The following KCNG3 variants were observed in gnomAD, a reference collection of about 807,000 sequenced individuals.
KCNG3 encodes potassium voltage-gated channel modifier subfamily G member 3, also known as voltage-gated potassium channel regulatory subunit KCNG3.
In KCNG3, 15 loss-of-function variants were observed where a neutral mutation model predicts 29.0. The ratio of observed to expected loss-of-function variants is 0.52; its 90% CI spans 0.35 to 0.80. The LOEUF (loss-of-function observed/expected upper bound fraction) is 0.80, where lower values mean the gene tolerates loss of function less well. KCNG3 is among the 30% of genes least tolerant of loss of function. KCNG3 has a pLI of 0.01. For synonymous variants in KCNG3, 322 were observed against 248.9 expected (o/e 1.29, Z -2.76); for missense variants, 512 against 605.7 (o/e 0.85, Z 1.62).
the KCNG3 span, among the ~76,000 whole-genome samples, chr2:42,428,263 C>T: frequency 6.6e-6 from 1 of 151,368 alleles, no homozygotes; most frequent in Admixed American, 6.6e-5. Context: ...ACTTCGAGAC[C>T]AGCCTGGCCA....
intron 1 of KCNG3, among the ~76,000 whole-genome samples, chr2:42,486,509 C>G (rs1420329385): frequency 1.3e-5 from 2 of 152,230 alleles, no homozygotes; most frequent in African/African-American, 4.8e-5. Context: ...CAAACTCCTT[C>G]CCATGGCACA....
chr2:42,476,676 G>C (rs759355414), intron 1 of KCNG3, among the ~76,000 whole-genome samples: 35 of 149,912 alleles, frequency 2.3e-4, no homozygotes, highest in Non-Finnish European at 4.4e-4. Context: ...TTTTAGTAGA[G>C]ACGGGGTTTC....
the KCNG3 span, among the ~76,000 whole-genome samples, chr2:42,420,437 G>C: frequency 6.6e-6 from 1 of 152,146 alleles, no homozygotes; most frequent in Non-Finnish European, 1.5e-5. Flanking sequence ...ATGAGTGGAA[G>C]TGCACTAGAA....
At chr2:42,419,368 G>C in the KCNG3 span, among the ~76,000 whole-genome samples, 1 of 151,362 alleles carries the variant, frequency 6.6e-6, no homozygotes, top group African/African-American at 2.4e-5. Context: ...CTCCCAAGTA[G>C]CTGGGATTAC....
At chr2:42,409,775 T>G in the KCNG3 span, among the ~76,000 whole-genome samples, 2 of 150,122 alleles carry the variant, frequency 1.3e-5, no homozygotes, top group African/African-American at 4.9e-5. Context: ...TCCCACCCTG[T>G]CTCCTTAAAC....
At chr2:42,453,827 G>GTTTCATAGT (rs1672819315) in intron 1 of KCNG3, among the ~76,000 whole-genome samples, 1 of 152,156 alleles carries the variant, frequency 6.6e-6, no homozygotes, top group African/African-American at 2.4e-5. Context: ...TCGTGTAGTA[G>GTTTCATAGT]TTTCATAGTT....
the KCNG3 span, among the ~76,000 whole-genome samples, chr2:42,418,502 T>C: frequency 6.6e-6 from 1 of 152,224 alleles, no homozygotes; most frequent in East Asian, 1.9e-4. Context: ...GGAAAACTTT[T>C]ACTCTTCATT....
At chr2:42,487,060 G>C (rs909747565) in intron 1 of KCNG3, among the ~76,000 whole-genome samples, 2 of 148,952 alleles carry the variant, frequency 1.3e-5, no homozygotes, top group Non-Finnish European at 3.0e-5. Flanking sequence ...GGGAGGCTGA[G>C]ACAGAAGAAT....
the KCNG3 span, among the ~76,000 whole-genome samples, chr2:42,416,815 T>C: frequency 1.7e-3 from 249 of 144,962 alleles, 1 homozygote; most frequent in African/African-American, 6.2e-3. Context: ...GAGTCCCCTG[T>C]CTCAAAAAAA....
intron 1 of KCNG3, among the ~76,000 whole-genome samples, chr2:42,462,535 A>G (rs984121760): frequency 6.6e-6 from 1 of 152,092 alleles, no homozygotes; most frequent in African/African-American, 2.4e-5. Context: ...TACAAAAATT[A>G]GCCGGGCGTG....
chr2:42,411,210 G>T, the KCNG3 span, among the ~76,000 whole-genome samples: 4 of 152,098 alleles, frequency 2.6e-5, no homozygotes, highest in Non-Finnish European at 4.4e-5. Flanking sequence ...GATCTGGTAT[G>T]TCCAGTTCCC....
At chr2:42,425,446 A>G in the KCNG3 span, among the ~76,000 whole-genome samples, 1 of 151,316 alleles carries the variant, frequency 6.6e-6, no homozygotes, top group East Asian at 1.9e-4. Context: ...TCCTCCAGGA[A>G]GTGGGGATGC....
At chr2:42,473,893 T>C (rs1021071626) in intron 1 of KCNG3, among the ~76,000 whole-genome samples, 7 of 152,124 alleles carry the variant, frequency 4.6e-5, no homozygotes, top group African/African-American at 1.7e-4. Context: ...GGCTCACGCC[T>C]GTAATCCCAC....
intron 1 of KCNG3, among the ~76,000 whole-genome samples, chr2:42,453,699 G>C (rs1343820673): frequency 6.6e-6 from 1 of 152,102 alleles, no homozygotes; most frequent in Non-Finnish European, 1.5e-5. Context: ...CTGTGCAGAA[G>C]CTTCTTAATT....
chr2:42,401,512 G>A, the KCNG3 span, among the ~76,000 whole-genome samples: 1 of 151,952 alleles, frequency 6.6e-6, no homozygotes, highest in Non-Finnish European at 1.5e-5. Flanking sequence ...TGCAATCACA[G>A]CTCACTGCAG....
the KCNG3 span, chr2:42,424,743 T>C: frequency 2.0e-5 from 3 of 152,224 alleles, no homozygotes; most frequent in African/African-American, 7.2e-5. Flanking sequence ...CACAAATTTC[T>C]TGTGATTCCC....
At chr2:42,470,266 A>G in intron 1 of KCNG3, 1 of 392,384 alleles carries the variant, frequency 2.5e-6, no homozygotes, top group South Asian at 2.9e-5. Context: ...TGGTCGCATA[A>G]ATTTGTCTAT....
At chr2:42,408,500 G>C in the KCNG3 span, among the ~76,000 whole-genome samples, 1 of 152,124 alleles carries the variant, frequency 6.6e-6, no homozygotes, top group Non-Finnish European at 1.5e-5. Flanking sequence ...TCTCTGCTGA[G>C]AGCTGCAGAG....
the KCNG3 span, among the ~76,000 whole-genome samples, chr2:42,413,086 C>T: frequency 6.6e-6 from 1 of 152,246 alleles, no homozygotes; most frequent in South Asian, 2.1e-4. Flanking sequence ...GCATAGTTTA[C>T]AGTGGCCTTT....
Sources: gnomAD v4.1 joint callset for allele counts (sites outside exome capture counted in the v4.1 genomes callset) on GRCh38, gnomAD v4.1.1 for gene constraint, MANE v1.5 for transcripts, NCBI Gene and HGNC (gene_info 2026-07-23, HGNC 2026-07-21) for gene names.